PTPN5: variants seen among roughly 807,000 people sequenced by gnomAD.
PTPN5 encodes protein tyrosine phosphatase non-receptor type 5.
Under a neutral mutation model 73.9 loss-of-function variants are expected in PTPN5, and 29 were observed. That is an observed-to-expected ratio of 0.39 (90% confidence interval 0.29 to 0.54). PTPN5 has a LOEUF of 0.54. Ranked by LOEUF, PTPN5 falls within the 20% of genes least tolerant of loss-of-function variation. PTPN5 has a pLI of 0.65. For synonymous variants in PTPN5, 267 were observed against 304.7 expected, an observed-to-expected ratio of 0.88 and a Z score of 1.29; for missense variants, 652 against 751.4, an observed-to-expected ratio of 0.87 and a Z score of 1.55.
chr11:18,741,730 G>A (rs1849373862), intron 7 of PTPN5, among the ~76,000 whole-genome samples: 1 of 152,188 alleles, frequency 6.6e-6, no homozygotes, highest in African/African-American at 2.4e-5. Context: ...GGGAGGGAGA[G>A]AGGCGGGCAA....
chr11:18,791,942 G>C (rs4277090), upstream of PTPN5: 1 of 152,142 alleles, frequency 6.6e-6, no homozygotes, highest in African/African-American at 2.4e-5. Context: ...GGGCACGAAG[G>C]GGGCCGGATC....
chr11:18,766,985 C>G (rs1850672071), intron 2 of PTPN5, among the ~76,000 whole-genome samples: 1 of 152,196 alleles, frequency 6.6e-6, no homozygotes, highest in Admixed American at 6.5e-5. Context: ...TTGTTCCCAT[C>G]TGTACTGAGT....
intron 1 of PTPN5, among the ~76,000 whole-genome samples, chr11:18,782,175 G>C (rs960452105): frequency 2.0e-5 from 3 of 152,096 alleles, no homozygotes. Flanking sequence ...ATCTGTGTGT[G>C]TATTGGGGGT....
intron 3 of PTPN5, among the ~76,000 whole-genome samples, chr11:18,745,068 G>A (rs1849553412): frequency 6.6e-6 from 1 of 152,200 alleles, no homozygotes; most frequent in South Asian, 2.1e-4. Flanking sequence ...AATACCATTG[G>A]CTTAGATCTG....
At position 18,728,145 on chromosome 11, in the gene PTPN5, A is replaced by G. The variant is rs1848712971; in HGVS notation, c.*789T>C. On this transcript the variant is annotated 3_prime_UTR_variant, in exon 15 of 15. Coordinates refer to ENST00000358540, the MANE Select transcript of PTPN5 (RefSeq NM_006906.2). The surrounding 1 kb of genome is among the most constrained non-coding windows in gnomAD (Gnocchi z 4.1). ...GACATGGGAACACACGCAGAGCAACACGCAGTGAGACTTCTGGGAAGGCTT... is the reference window on the plus strand; with the variant it reads ...GACATGGGAACACACGCAGAGCAACGCGCAGTGAGACTTCTGGGAAGGCTT... 6.5e-6 allele frequency: 1 copy of G among 152,678 alleles called. No homozygotes were observed. The highest frequency in any genetic ancestry group is 1.5e-5 in the Non-Finnish European group (1 of 68,052). 9.5% of individuals were successfully genotyped at this position (152,678 alleles called of 1,614,324 possible). A position where few individuals can be genotyped will look rare whatever the true frequency, so the allele number is the denominator to read the frequency against.
At chr11:18,785,051 A>C (rs2134367972) in intron 1 of PTPN5, among the ~76,000 whole-genome samples, 1 of 151,992 alleles carries the variant, frequency 6.6e-6, no homozygotes, top group South Asian at 2.1e-4. Flanking sequence ...ACAGAGTTTC[A>C]CCGTGTTGGC....
chr11:18,772,638 G>A (rs954576116), intron 1 of PTPN5, among the ~76,000 whole-genome samples: 4 of 152,212 alleles, frequency 2.6e-5, no homozygotes, highest in African/African-American at 7.2e-5. Flanking sequence ...AAGGGAAGAT[G>A]AAAAGTGCAG....
chr11:18,757,076 G>A (rs2134271583), intron 3 of PTPN5, among the ~76,000 whole-genome samples: 1 of 152,270 alleles, frequency 6.6e-6, no homozygotes, highest in South Asian at 2.1e-4. Context: ...CAAGATCCAA[G>A]CTCAAAAAGG....
chr11:18,778,062 G>A (rs1851253467), intron 1 of PTPN5, among the ~76,000 whole-genome samples: 2 of 152,156 alleles, frequency 1.3e-5, no homozygotes, highest in Admixed American at 6.5e-5. Context: ...TTTTCATGGT[G>A]TAAATGCTCC....
rs1848998130 is a variant in PTPN5 at position 18,733,781 on chromosome 11, T to C, written c.1001-146A>G. 3 of 739,038 alleles carry C rather than the reference T, an allele frequency of 4.1e-6. No homozygotes were observed. The highest frequency in any genetic ancestry group is 1.7e-5 in the African/African-American group (1 of 57,734). 45.8% of individuals were successfully genotyped at this position (739,038 alleles called of 1,614,324 possible). ...TGCCCAGCAGCAAAACATTGACCCA[T>C]TCATGGTTCATTTTGTAGGTGAGGA... is the stretch of plus-strand genomic sequence containing the variant. On this transcript the variant is annotated intron_variant, in intron 9 of 14. Coordinates refer to ENST00000358540, the MANE Select transcript of PTPN5 (RefSeq NM_006906.2). The surrounding 1 kb of genome is among the most constrained non-coding windows in gnomAD (Gnocchi z 4.3).
At chr11:18,785,564 C>G (rs1405789241) in intron 1 of PTPN5, among the ~76,000 whole-genome samples, 1 of 152,154 alleles carries the variant, frequency 6.6e-6, no homozygotes, top group Non-Finnish European at 1.5e-5. Context: ...ATAATTTATA[C>G]CAGACAACAT....
At chr11:18,766,190 C>G (rs1249320915) in intron 2 of PTPN5, among the ~76,000 whole-genome samples, 1 of 152,198 alleles carries the variant, frequency 6.6e-6, no homozygotes, top group Non-Finnish European at 1.5e-5. Flanking sequence ...ACTTTGCAAA[C>G]TTTATCACAT....
chr11:18,783,161 AG>A (rs1190049919), intron 1 of PTPN5, among the ~76,000 whole-genome samples: 3 of 152,252 alleles, frequency 2.0e-5, no homozygotes, highest in Non-Finnish European at 4.4e-5. Context: ...GATGCTGACC[AG>A]CTAGGGAAGT....
At chr11:18,743,883 G>C in intron 4 of PTPN5, 123 bp downstream of exon 4, 3 of 1,166,216 alleles carry the variant, frequency 2.6e-6, no homozygotes, top group Non-Finnish European at 3.5e-6. Context: ...TGGAGCTCCT[G>C]AGGAACACCA....
chr11:18,746,101 G>T (rs563505159), intron 3 of PTPN5, among the ~76,000 whole-genome samples: 12 of 140,394 alleles, frequency 8.5e-5, no homozygotes, highest in African/African-American at 3.1e-4. Context: ...CTTTTACTCA[G>T]TTTTTTTTGC....
intron 1 of PTPN5, among the ~76,000 whole-genome samples, chr11:18,777,824 A>G (rs1456294976): frequency 6.6e-6 from 1 of 152,136 alleles, no homozygotes; most frequent in Non-Finnish European, 1.5e-5. Context: ...ACACACCTGT[A>G]GTCCCAGCTA....
chr11:18,745,120 C>T (rs1024454736), intron 3 of PTPN5, among the ~76,000 whole-genome samples: 4 of 152,208 alleles, frequency 2.6e-5, no homozygotes, highest in Admixed American at 2.6e-4. Flanking sequence ...GCGGCCACCT[C>T]AGTGAGTCCC....
chr11:18,788,400 C>T (rs1851765902), intron 1 of PTPN5, among the ~76,000 whole-genome samples: 1 of 152,146 alleles, frequency 6.6e-6, no homozygotes. Flanking sequence ...CCCCAATAAC[C>T]TCCATCCCCT....
intron 3 of PTPN5, among the ~76,000 whole-genome samples, chr11:18,763,970 T>A (rs1850516271): frequency 6.6e-6 from 1 of 152,206 alleles, no homozygotes; most frequent in Non-Finnish European, 1.5e-5. Flanking sequence ...CTCCTATTCA[T>A]CCTGTCCTAT....
Sources: allele counts gnomAD v4.1 joint callset (sites outside exome capture counted in the v4.1 genomes callset), GRCh38; gene constraint gnomAD v4.1.1; non-coding constraint Gnocchi (gnomAD v3.1); transcripts MANE v1.5; gene names NCBI Gene and HGNC (gene_info 2026-07-23, HGNC 2026-07-21).